ZNF600: variants seen among roughly 807,000 people sequenced by gnomAD.
ZNF600 encodes zinc finger protein 600, also known as zinc finger protein KR-ZNF1.
In ZNF600, 4 loss-of-function variants were observed where a neutral mutation model predicts 7.3. That is an observed-to-expected ratio of 0.55 (90% CI 0.27 to 1.25). The LOEUF is 1.25. Among genes scored for constraint, ZNF600 ranks in the 50% most tolerant of loss-of-function variants. The pLI is 0.12. For missense variants in ZNF600, 911 were observed against 922.1 expected, an observed-to-expected ratio of 0.99 and a Z score of 0.16; for synonymous variants, 290 against 308.9, an observed-to-expected ratio of 0.94 and a Z score of 0.64.
At chr19:52,801,755 T>C in the ZNF600 span, 1 of 1,478,652 alleles carries the variant, frequency 6.8e-7, no homozygotes, top group South Asian at 1.3e-5. Context: ...TGGTGTATAA[T>C]ACTGAAATGT....
chr19:52,818,178 A>T, the ZNF600 span: 2 of 839,636 alleles, frequency 2.4e-6, no homozygotes, highest in Non-Finnish European at 3.6e-6. Flanking sequence ...TTCCTACAGG[A>T]AAACTCCCAC....
intron 3 of ZNF600, among the ~76,000 whole-genome samples, chr19:52,770,292 A>C (rs2062620820): frequency 6.6e-6 from 1 of 152,116 alleles, no homozygotes; most frequent in Non-Finnish European, 1.5e-5. Context: ...ATACAAAAAA[A>C]ACAGCTGGGT....
intron 2 of ZNF600, among the ~76,000 whole-genome samples, chr19:52,777,035 C>T (rs1332588336): frequency 1.3e-5 from 2 of 152,060 alleles, no homozygotes; most frequent in Non-Finnish European, 2.9e-5. Context: ...AAGAAAGCAT[C>T]CTGTACCACT....
At chr19:52,816,271 C>A in the ZNF600 span, among the ~76,000 whole-genome samples, 1 of 147,180 alleles carries the variant, frequency 6.8e-6, no homozygotes, top group Non-Finnish European at 1.5e-5. Context: ...GTAATCCCAA[C>A]ACTCTTGGGG....
the ZNF600 span, chr19:52,799,019 T>TAAC: frequency 1.3e-6 from 1 of 747,050 alleles, no homozygotes. Flanking sequence ...CTTACATTTG[T>TAAC]ATGTTTTTTC....
chr19:52,792,432 C>A, the ZNF600 span, among the ~76,000 whole-genome samples: 1 of 152,080 alleles, frequency 6.6e-6, no homozygotes, highest in South Asian at 2.1e-4. Context: ...ATCAGAAACT[C>A]AAAAGAAGGA....
At chr19:52,784,457 A>AT (rs960160799) in intron 1 of ZNF600, among the ~76,000 whole-genome samples, 14 of 151,882 alleles carry the variant, frequency 9.2e-5, no homozygotes, top group East Asian at 1.9e-4. Context: ...AGAGAAAGTG[A>AT]TTTTTTTTCC....
chr19:52,797,255 C>T, the ZNF600 span, among the ~76,000 whole-genome samples: 21 of 152,328 alleles, frequency 1.4e-4, no homozygotes, highest in East Asian at 3.9e-4. Flanking sequence ...ATCCATGAAA[C>T]GACCACAGTG....
chr19:52,822,074 C>CTTTT, the ZNF600 span, among the ~76,000 whole-genome samples: 7,278 of 78,524 alleles, frequency 0.093, 516 homozygotes, highest in African/African-American at 0.16. Flanking sequence ...TTCTTTTTCC[C>CTTTT]TTTTTTTTTT....
the ZNF600 span, among the ~76,000 whole-genome samples, chr19:52,792,720 T>TTTTATTTA: frequency 9.2e-5 from 14 of 151,774 alleles, no homozygotes; most frequent in African/African-American, 2.9e-4. Flanking sequence ...TCAATCCTCT[T>TTTTATTTA]TTTATTTATT....
At chr19:52,774,964 G>A (rs1568630010) in intron 2 of ZNF600, among the ~76,000 whole-genome samples, 1 of 152,162 alleles carries the variant, frequency 6.6e-6, no homozygotes. Context: ...ACAGGGCCAG[G>A]CATGGTGGTT....
chr19:52,817,498 GT>G, the ZNF600 span, among the ~76,000 whole-genome samples: 1 of 152,122 alleles, frequency 6.6e-6, no homozygotes. Flanking sequence ...TAAAAATGTG[GT>G]ATAAAATCAG....
the ZNF600 span, among the ~76,000 whole-genome samples, chr19:52,794,919 A>G: frequency 1.3e-5 from 2 of 152,198 alleles, no homozygotes; most frequent in Non-Finnish European, 1.5e-5. Flanking sequence ...GTCTCTTTCA[A>G]TGTCTAAGGT....
At chr19:52,785,863 T>C (rs1477193410) in intron 1 of ZNF600, among the ~76,000 whole-genome samples, 2 of 152,202 alleles carry the variant, frequency 1.3e-5, no homozygotes, top group East Asian at 3.9e-4. Context: ...GTCCTTCATC[T>C]TTCTGTACAT....
the ZNF600 span, among the ~76,000 whole-genome samples, chr19:52,796,943 C>T: frequency 2.0e-5 from 3 of 152,140 alleles, no homozygotes; most frequent in Non-Finnish European, 2.9e-5. Flanking sequence ...TGACATCATG[C>T]ACAATTTTCT....
At chr19:52,826,155 T>C in the ZNF600 span, among the ~76,000 whole-genome samples, 1 of 152,098 alleles carries the variant, frequency 6.6e-6, no homozygotes, top group African/African-American at 2.4e-5. Context: ...GAGTGGTTGC[T>C]CAACGCCTGT....
the ZNF600 span, chr19:52,800,214 A>G: frequency 6.2e-7 from 1 of 1,613,236 alleles, no homozygotes; most frequent in Non-Finnish European, 8.5e-7. Flanking sequence ...TGCAGTATGA[A>G]GTTTATGATG....
At chr19:52,790,422 AG>A (rs1443763557), upstream of ZNF600, among the ~76,000 whole-genome samples, 4 of 152,124 alleles carry the variant, frequency 2.6e-5, no homozygotes, top group Non-Finnish European at 4.4e-5. Context: ...GCTTGAACCC[AG>A]GAGGCAGAGG....
At chr19:52,770,991 G>C (rs1340226088) in intron 3 of ZNF600, among the ~76,000 whole-genome samples, 1 of 152,050 alleles carries the variant, frequency 6.6e-6, no homozygotes, top group African/African-American at 2.4e-5. Flanking sequence ...GTGCAATCAT[G>C]CCTGGCTCAT....
Sources: gnomAD v4.1 joint callset for allele counts (sites outside exome capture counted in the v4.1 genomes callset) on GRCh38, gnomAD v4.1.1 for gene constraint, MANE v1.5 for transcripts, NCBI Gene and HGNC (gene_info 2026-07-23, HGNC 2026-07-21) for gene names.